The following LAMA1 variants were observed in gnomAD, a reference collection of about 807,000 sequenced individuals.
LAMA1 encodes laminin subunit alpha-1.
A neutral mutation model predicts 348.7 loss-of-function variants in LAMA1; 219 were observed. The ratio of observed to expected loss-of-function variants is 0.63; its 90% confidence interval spans 0.56 to 0.70. The LOEUF (loss-of-function observed/expected upper bound fraction) is 0.70, where lower values mean the gene tolerates loss of function less well. LAMA1 is among the 30% of genes least tolerant of loss of function. The pLI, the probability that LAMA1 is intolerant of heterozygous loss-of-function variation, is 0.00. For missense variants in LAMA1, 3,744 were observed against 3,888.0 expected (o/e 0.96, Z 0.99); for synonymous variants, 1,487 against 1,491.0 (o/e 1.00, Z 0.06).
At chr18:7,107,268 G>A (rs1370173430) in intron 1 of LAMA1, among the ~76,000 whole-genome samples, 8 of 151,826 alleles carry the variant, frequency 5.3e-5, no homozygotes, top group Admixed American at 2.0e-4. Flanking sequence ...ACAGGCACCC[G>A]CCACCACGCC....
intron 1 of LAMA1, among the ~76,000 whole-genome samples, chr18:7,093,179 G>A (rs1040645254): frequency 6.9e-4 from 105 of 152,158 alleles, no homozygotes; most frequent in African/African-American, 2.4e-3. Flanking sequence ...CACTTTGGGA[G>A]GCCGAGGCGG....
chr18:7,041,736 G>A (rs947760610), intron 9 of LAMA1, among the ~76,000 whole-genome samples: 5 of 152,140 alleles, frequency 3.3e-5, no homozygotes, highest in African/African-American at 9.7e-5. Context: ...TGTGTTCCAC[G>A]CATGGCTTTA....
rs571051314 is a variant in LAMA1, at chr18:6,971,644, T to C, written c.6899+213A>G. 2.0e-5 allele frequency among the ~76,000 whole-genome samples: 3 copies of C among 152,290 alleles called. No homozygotes were observed. The East Asian group carries it at 5.8e-4, about 29-fold the overall frequency. ...GACAATATAATATAATAATATAATG[T>C]AGATTGGTATAATCTACATTATACC... On this transcript the variant is annotated intron_variant, in intron 48 of 62. Coordinates refer to ENST00000389658, the MANE Select transcript of LAMA1 (RefSeq NM_005559.4).
At chr18:7,005,146 C>T (rs573426267) in intron 29 of LAMA1, among the ~76,000 whole-genome samples, 1 of 152,248 alleles carries the variant, frequency 6.6e-6, no homozygotes, top group African/African-American at 2.4e-5. Flanking sequence ...TGTGAGGGTA[C>T]GTGACTTGGA....
At chr18:7,027,835 T>C (rs1475660172) in intron 16 of LAMA1, among the ~76,000 whole-genome samples, 2 of 151,942 alleles carry the variant, frequency 1.3e-5, no homozygotes. Context: ...CCCAGCTACT[T>C]AGGAGGCTGA....
chr18:6,974,878 G>T, intron 46 of LAMA1, 25 bp downstream of exon 46: 2 of 1,613,750 alleles, frequency 1.2e-6, no homozygotes, highest in Non-Finnish European at 1.7e-6. Context: ...AAAGAGAGCT[G>T]CTTTGAGAGA....
chr18:7,113,269 T>C (rs948815131), intron 1 of LAMA1, among the ~76,000 whole-genome samples: 1 of 152,216 alleles, frequency 6.6e-6, no homozygotes, highest in African/African-American at 2.4e-5. Context: ...TAAGAGCCCA[T>C]GTGCCAGGAA....
At chr18:6,949,296 A>C in intron 58 of LAMA1, 37 bp from the exon 59 acceptor site, 1 of 1,607,544 alleles carries the variant, frequency 6.2e-7, no homozygotes, top group Non-Finnish European at 8.5e-7. Context: ...TTTTTGAGGA[A>C]TCTGAAAAAA....
chr18:7,024,230 A>T, intron 18 of LAMA1, 150 bp downstream of exon 18: 1 of 646,336 alleles, frequency 1.5e-6, no homozygotes, highest in Non-Finnish European at 2.7e-6. Context: ...TAATTTTAAA[A>T]CATGAAATAC....
In LAMA1 at chr18:7,016,677, T is replaced by C; in HGVS notation, c.2809-6A>G. 6.2e-7 allele frequency: 1 copy of C among 1,610,388 alleles called. No homozygotes were observed. Among genetic ancestry groups the C allele is most frequent in the Non-Finnish European group, 8.5e-7 (1 of 1,178,390 alleles). On this transcript the variant is annotated splice_region_variant and splice_polypyrimidine_tract_variant and intron_variant, in intron 20 of 62. Transcript: ENST00000389658. ...TCCAGCCCATAATAGCCATGCTGTT[T>C]CACCAAAGGGGGAGAAAGTGGAAAC...
intron 3 of LAMA1, among the ~76,000 whole-genome samples, chr18:7,075,341 G>A (rs2058163112): frequency 6.6e-6 from 1 of 152,180 alleles, no homozygotes; most frequent in African/African-American, 2.4e-5. Context: ...AAAAGCACAA[G>A]GTCAGGCGCG....
intron 39 of LAMA1, among the ~76,000 whole-genome samples, chr18:6,983,908 C>T (rs188760480): frequency 3.9e-4 from 59 of 152,258 alleles, no homozygotes; most frequent in South Asian, 1.7e-3. Context: ...GTTATTGAGT[C>T]GGGCAATTCC....
In LAMA1 at chr18:7,008,536, A is replaced by AT; in HGVS notation, c.4073_4074insA (p.Leu1359PhefsTer32). The AT allele has an allele frequency of 7.4e-6, 12 of 1,614,108 alleles. No homozygotes were observed. Among genetic ancestry groups the AT allele is most frequent in the Non-Finnish European group, 9.3e-6 (11 of 1,179,988 alleles). Reference sequence around the variant, plus strand: ...CAGGAGGACAGACACAATTCTCTAAAAGAGATGCAACCTCTTCTTCTGGGT... The same window carrying AT: ...CAGGAGGACAGACACAATTCTCTAAATAGAGATGCAACCTCTTCTTCTGGGT... On this transcript the variant is annotated frameshift_variant, in exon 28 of 63. Coordinates refer to ENST00000389658, the MANE Select transcript of LAMA1 (RefSeq NM_005559.4). LOFTEE classifies it high-confidence loss of function.
chr18:6,985,128 C>CATG, intron 39 of LAMA1, 109 bp downstream of exon 39: 1 of 1,327,534 alleles, frequency 7.5e-7, no homozygotes, highest in Non-Finnish European at 1.1e-6. Flanking sequence ...CAGGAGTGCT[C>CATG]ATTTTTACAC....
intron 61 of LAMA1, among the ~76,000 whole-genome samples, chr18:6,943,904 G>A (rs1303405892): frequency 1.3e-5 from 2 of 149,490 alleles, no homozygotes; most frequent in African/African-American, 2.5e-5. Context: ...TCCAGAAAGC[G>A]CAAATGGCCA....
intron 19 of LAMA1, among the ~76,000 whole-genome samples, 187 bp downstream of exon 19, chr18:7,022,977 G>A (rs938802492): frequency 1.3e-5 from 2 of 152,184 alleles, no homozygotes; most frequent in Non-Finnish European, 2.9e-5. Context: ...ACCAAGCTCA[G>A]GATAGGGTAG....
At chr18:7,020,373 C>A (rs1474108271) in intron 19 of LAMA1, among the ~76,000 whole-genome samples, 1 of 152,084 alleles carries the variant, frequency 6.6e-6, no homozygotes, top group Non-Finnish European at 1.5e-5. Flanking sequence ...GAACTATACG[C>A]GCTTGCTTTA....
rs779702911 is a variant in LAMA1, at chr18:6,985,382, C to G, written c.5515G>C (p.Asp1839His). 6 of 1,614,040 alleles carry G rather than the reference C, an allele frequency of 3.7e-6. No individual in the cohort carries two copies. The East Asian group carries it at 1.3e-4, about 36-fold the overall frequency. The change falls in exon 39 of 63, where the codon GAT becomes CAT. Residue 1839 changes from aspartate to histidine, a missense_variant. Asp to His is a moderately conservative substitution (Grantham distance 81). This residue lies in a region of LAMA1 where 1,983 missense variants were observed against 1,934.3 expected (regional missense o/e 1.03). Coordinates refer to ENST00000389658, the MANE Select transcript of LAMA1 (RefSeq NM_005559.4). ...TTGGCAGACCATAAAAGTAGCTTATCCTGGTGATCCTCTAAGTGCTACATG... is the reference window on the plus strand; with the variant it reads ...TTGGCAGACCATAAAAGTAGCTTATGCTGGTGATCCTCTAAGTGCTACATG... ...DALEHLEDHQDKLLLWSAKIR... is the reference protein window; with the variant it reads ...DALEHLEDHQHKLLLWSAKIR...
At chr18:7,109,807 G>A (rs773654843) in intron 1 of LAMA1, among the ~76,000 whole-genome samples, 3 of 152,096 alleles carry the variant, frequency 2.0e-5, no homozygotes, top group East Asian at 1.9e-4. Context: ...TTACGAAGGC[G>A]GTATTTTGGC....
Sources: gnomAD v4.1 joint callset for allele counts (sites outside exome capture counted in the v4.1 genomes callset) on GRCh38, gnomAD v4.1.1 for gene constraint, gnomAD v4.1.1 regional missense constraint, MANE v1.5 for transcripts, NCBI Gene and HGNC (gene_info 2026-07-23, HGNC 2026-07-21) for gene names.